The following PRKAA2 variants were observed in gnomAD, a reference collection of about 807,000 sequenced individuals.
PRKAA2 encodes the protein protein kinase AMP-activated catalytic subunit alpha 2, also known as 5'-AMP-activated protein kinase catalytic subunit alpha-2.
A neutral mutation model predicts 56.3 loss-of-function variants in PRKAA2; 40 were observed. The observed-to-expected ratio is 0.71, with a 90% confidence interval of 0.55 to 0.92. The LOEUF (loss-of-function observed/expected upper bound fraction) is 0.92. PRKAA2 is among the 40% of genes least tolerant of loss of function. The pLI is 0.00. For missense variants in PRKAA2, 542 were observed against 686.9 expected (o/e 0.79, Z 2.36); for synonymous variants, 214 against 234.2 (o/e 0.91, Z 0.79).
chr1:56,686,883 CTTTTT>C (rs144698190), intron 2 of PRKAA2, among the ~76,000 whole-genome samples: 10 of 128,536 alleles, frequency 7.8e-5, no homozygotes, highest in Admixed American at 7.9e-5. Context: ...CCTAAATACT[CTTTTT>C]TTTTTTTTTT....
In PRKAA2 at chr1:56,696,032, A is replaced by G; in HGVS notation, c.661A>G (p.Thr221Ala). ...TLPFDDEHVP[T>A]LFKKIRGGVF... ...CCCATTTGATGATGAGCATGTACCT[A>G]CGTTATTTAAGAAGATCCGAGGGGG... Residue 221 changes from threonine (T) to alanine (A), a missense_variant, in exon 6 of 9, where the codon ACG (threonine) becomes GCG (alanine). Thr to Ala is a moderately conservative substitution (Grantham distance 58). This residue lies in a region of PRKAA2 where 198 missense variants were observed against 234.0 expected (regional missense o/e 0.85). Transcript: ENST00000371244. The G allele has an allele frequency of 1.2e-6, 2 of 1,612,362 alleles. No homozygotes were observed. Among genetic ancestry groups the G allele is most frequent in the Non-Finnish European group, 1.7e-6 (2 of 1,179,706 alleles).
intron 4 of PRKAA2, 137 bp downstream of exon 4, chr1:56,692,639 C>CTT: frequency 7.4e-6 from 5 of 672,782 alleles, no homozygotes; most frequent in African/African-American, 3.9e-5. Context: ...TCCTCAGTAG[C>CTT]TTTTTTTTTT....
chr1:56,657,954 A>G (rs1191363008), intron 1 of PRKAA2, among the ~76,000 whole-genome samples: 1 of 152,190 alleles, frequency 6.6e-6, no homozygotes, highest in East Asian at 1.9e-4. Context: ...GATACTGACT[A>G]TACAAAATAA....
At chr1:56,689,254 C>T (rs941443518) in intron 2 of PRKAA2, among the ~76,000 whole-genome samples, 1 of 152,184 alleles carries the variant, frequency 6.6e-6, no homozygotes. Context: ...CACTTTGGTG[C>T]TTGTAAAGAT....
intron 1 of PRKAA2, among the ~76,000 whole-genome samples, chr1:56,668,566 CTCTTT>C (rs1346301908): frequency 2.0e-5 from 3 of 152,072 alleles, no homozygotes; most frequent in African/African-American, 7.2e-5. Context: ...ATTTTGGCAA[CTCTTT>C]TCTTTGATCC....
At chr1:56,695,088 T>C (rs2100427017) in intron 5 of PRKAA2, among the ~76,000 whole-genome samples, 1 of 151,340 alleles carries the variant, frequency 6.6e-6, no homozygotes, top group South Asian at 2.1e-4. Context: ...TAGTAAGTAC[T>C]CAGGATAATG....
chr1:56,646,293 A>G (rs1569691648), intron 1 of PRKAA2, among the ~76,000 whole-genome samples: 2 of 152,164 alleles, frequency 1.3e-5, no homozygotes, highest in Admixed American at 6.5e-5. Context: ...TTGTGTTTGT[A>G]AAATGGCTAT....
At chr1:56,697,204 A>T (rs1296193282) in intron 6 of PRKAA2, among the ~76,000 whole-genome samples, 4 of 151,058 alleles carry the variant, frequency 2.6e-5, no homozygotes. Flanking sequence ...TTTTATTTTT[A>T]GTAGAAATGG....
intron 1 of PRKAA2, among the ~76,000 whole-genome samples, chr1:56,664,806 C>G (rs1288762772): frequency 2.0e-5 from 3 of 149,548 alleles, no homozygotes; most frequent in Non-Finnish European, 4.4e-5. Context: ...ATATAAAGTG[C>G]TTAATGCATT....
intron 6 of PRKAA2, among the ~76,000 whole-genome samples, chr1:56,702,834 A>G (rs555938601): frequency 6.6e-6 from 1 of 152,198 alleles, no homozygotes; most frequent in Admixed American, 6.5e-5. Context: ...AATCTTTATC[A>G]CAGGATTTGC....
chr1:56,697,129 C>G (rs1644263945), intron 6 of PRKAA2, among the ~76,000 whole-genome samples: 1 of 149,914 alleles, frequency 6.7e-6, no homozygotes, highest in African/African-American at 2.5e-5. Context: ...TCCTCCCACC[C>G]CAGGCTCCTG....
At position 56,645,377 on chromosome 1, in the gene PRKAA2, G is replaced by A. The variant is rs1451962105; in HGVS notation, c.-11G>A. 2.7e-6 allele frequency: 4 copies of A among 1,465,488 alleles called. No individual in the cohort carries two copies. The African/African-American group carries it at 4.4e-5, about 16-fold the overall frequency. The allele number at this position is 1,465,488 out of a possible 1,614,324, so 90.8% of individuals were successfully genotyped here. A position where few individuals can be genotyped will look rare whatever the true frequency, so the allele number is the denominator to read the frequency against. ...GCGGCAGGCGGTGGAGCGAGGCCGC[G>A]CGCGCCGAAGATGGCTGAGAAGCAG... On this transcript the variant is annotated 5_prime_UTR_variant, in exon 1 of 9. Transcript: ENST00000371244.
chr1:56,645,405 G>C lies in PRKAA2; in HGVS notation c.18G>C (p.Lys6Asn). Residue 6 changes from lysine to asparagine, a missense_variant, in exon 1 of 9, where the codon AAG becomes AAC. Lys to Asn is a moderately conservative substitution (Grantham distance 94). This residue lies in a region of PRKAA2 where 59 missense variants were observed against 53.9 expected (regional missense o/e 1.09). Transcript: ENST00000371244. Reference sequence around the variant, plus strand: ...CGCCGAAGATGGCTGAGAAGCAGAAGCACGACGGGCGGGTGAAGATCGGAC... The same window carrying C: ...CGCCGAAGATGGCTGAGAAGCAGAACCACGACGGGCGGGTGAAGATCGGAC... MAEKQ[K>N]HDGRVKIGHY... The C allele has an allele frequency of 6.6e-7, 1 of 1,506,348 alleles. No individual in the cohort carries two copies. The highest frequency in any genetic ancestry group is 8.9e-7 in the Non-Finnish European group (1 of 1,121,764). 93.3% of individuals were successfully genotyped at this position (1,506,348 alleles called of 1,614,324 possible).
intron 2 of PRKAA2, among the ~76,000 whole-genome samples, chr1:56,685,327 G>A (rs765894227): frequency 2.4e-4 from 1 of 4,200 alleles, no homozygotes; most frequent in South Asian, 0.019. Flanking sequence ...ATGAGAAGGA[G>A]TTAGTAAAAG....
chr1:56,660,036 G>A (rs1049585045), intron 1 of PRKAA2, among the ~76,000 whole-genome samples: 4 of 152,082 alleles, frequency 2.6e-5, no homozygotes, highest in African/African-American at 9.7e-5. Context: ...CCATTTTCCT[G>A]TCACCTTGTC....
intron 1 of PRKAA2, among the ~76,000 whole-genome samples, chr1:56,666,989 A>T (rs1204089720): frequency 2.0e-5 from 3 of 152,078 alleles, no homozygotes; most frequent in African/African-American, 7.2e-5. Flanking sequence ...AAAATTCTTG[A>T]ATCTTCCCCT....
chr1:56,702,155 C>T (rs1468737765), intron 6 of PRKAA2, among the ~76,000 whole-genome samples: 1 of 151,628 alleles, frequency 6.6e-6, no homozygotes, highest in East Asian at 2.0e-4. Context: ...ACGATCTCGG[C>T]TCACCGCAAC....
At chr1:56,685,153 G>A (rs1239519649) in intron 2 of PRKAA2, among the ~76,000 whole-genome samples, 1 of 152,036 alleles carries the variant, frequency 6.6e-6, no homozygotes, top group Non-Finnish European at 1.5e-5. Flanking sequence ...GACTGGATGC[G>A]GTTACCAAAG....
intron 2 of PRKAA2, among the ~76,000 whole-genome samples, chr1:56,676,773 T>C (rs1644116697): frequency 6.6e-6 from 1 of 152,224 alleles, no homozygotes; most frequent in Non-Finnish European, 1.5e-5. Context: ...AAGGGACCCA[T>C]GTGGTGCATC....
Sources: allele counts gnomAD v4.1 joint callset (sites outside exome capture counted in the v4.1 genomes callset), GRCh38; gene constraint gnomAD v4.1.1; regional missense constraint gnomAD v4.1.1; transcripts MANE v1.5; gene names NCBI Gene and HGNC (gene_info 2026-07-23, HGNC 2026-07-21).